PDE3B: variants seen among roughly 807,000 people sequenced by gnomAD.
PDE3B encodes cGMP-inhibited 3',5'-cyclic phosphodiesterase 3B.
Under a neutral mutation model 116.8 loss-of-function variants are expected in PDE3B, and 66 were observed. The ratio of observed to expected loss-of-function variants is 0.56; its 90% CI spans 0.46 to 0.69. The LOEUF (loss-of-function observed/expected upper bound fraction) is 0.69, where lower values mean the gene tolerates loss of function less well. PDE3B is among the 30% of genes least tolerant of loss of function. The pLI, the probability that PDE3B is intolerant of heterozygous loss-of-function variation, is 0.00. For missense variants in PDE3B, 1,384 were observed against 1,368.1 expected, an observed-to-expected ratio of 1.01 and a Z score of -0.18; for synonymous variants, 595 against 533.6, an observed-to-expected ratio of 1.12 and a Z score of -1.59.
At chr11:14,846,753 A>AT (rs1847613093) in intron 12 of PDE3B, among the ~76,000 whole-genome samples, 1 of 152,102 alleles carries the variant, frequency 6.6e-6, no homozygotes, top group African/African-American at 2.4e-5. Flanking sequence ...AGGCCATTAC[A>AT]TAATGGTAAA....
rs551366523 is a variant in PDE3B at position 14,644,202 on chromosome 11, C to G, written c.127C>G (p.Pro43Ala). Residue 43 changes from proline to alanine, a missense_variant, in exon 1 of 16, where the codon CCT (proline) becomes GCT (alanine). Coordinates refer to ENST00000282096, the MANE Select transcript of PDE3B (RefSeq NM_000922.4). ...KSCVSPLRQD[P>A]PRGFFFHLCR... is the part of the protein sequence containing the mutation. ...CTGCGTGAGCCCCTTGCGGCAGGAC[C>G]CTCCGCGCGGCTTCTTCTTCCACCT... is the stretch of plus-strand genomic sequence containing the variant. The G allele has an allele frequency of 1.3e-6, 2 of 1,595,982 alleles. No individual in the cohort carries two copies. Among genetic ancestry groups the G allele is most frequent in the African/African-American group, 1.4e-5 (1 of 74,066 alleles).
intron 1 of PDE3B, among the ~76,000 whole-genome samples, chr11:14,759,303 T>C (rs893448125): frequency 1.3e-5 from 2 of 152,162 alleles, no homozygotes; most frequent in Non-Finnish European, 2.9e-5. Context: ...TAGGGAGGAT[T>C]CCCTCTTTTT....
Position 14,753,247 on chromosome 11 carries a change from C to T in PDE3B, c.979-18690C>T, listed in dbSNP as rs189979756. ...AGTATAGATCTTTTTGAGTGCCTTC[C>T]ATGAACCACATACTTTATTAGTCAC... On this transcript the variant is annotated intron_variant, in intron 1 of 15. Transcript: ENST00000282096. 5.5e-4 allele frequency among the ~76,000 whole-genome samples: 83 copies of T among 152,158 alleles called. No individual in the cohort carries two copies. The East Asian group carries it at 7.7e-3, about 14-fold the overall frequency.
intron 1 of PDE3B, among the ~76,000 whole-genome samples, chr11:14,691,971 T>C (rs1456966562): frequency 1.3e-5 from 2 of 152,124 alleles, no homozygotes; most frequent in African/African-American, 4.8e-5. Flanking sequence ...AAATTATTGA[T>C]TTATAATAGT....
chr11:14,772,890 G>A (rs1269309465), intron 2 of PDE3B: 5 of 151,752 alleles, frequency 3.3e-5, no homozygotes, highest in African/African-American at 7.3e-5. Flanking sequence ...GAGTCTTGAC[G>A]TACACAAAAA....
intron 1 of PDE3B, among the ~76,000 whole-genome samples, chr11:14,688,729 T>G (rs924126247): frequency 1.3e-5 from 2 of 152,170 alleles, no homozygotes; most frequent in Non-Finnish European, 2.9e-5. Context: ...TTATTACAGC[T>G]AGATCTATGT....
chr11:14,837,050 G>A (rs1281370136), intron 11 of PDE3B, among the ~76,000 whole-genome samples: 1 of 152,224 alleles, frequency 6.6e-6, no homozygotes, highest in African/African-American at 2.4e-5. Context: ...CTGAGCTCAG[G>A]CAATCCGCCC....
the PDE3B span, among the ~76,000 whole-genome samples, chr11:14,885,141 C>T: frequency 1.3e-5 from 2 of 152,132 alleles, no homozygotes; most frequent in Non-Finnish European, 2.9e-5. Context: ...ATTTAGGACA[C>T]AACTTTAGTA....
At chr11:14,844,673 CAGG>C (rs1167699745) in intron 12 of PDE3B, among the ~76,000 whole-genome samples, 1 of 152,226 alleles carries the variant, frequency 6.6e-6, no homozygotes, top group African/African-American at 2.4e-5. Flanking sequence ...AACGGCGCAC[CAGG>C]AGATTACATC....
At chr11:14,833,471 A>G (rs1246375589) in intron 10 of PDE3B, among the ~76,000 whole-genome samples, 1 of 152,140 alleles carries the variant, frequency 6.6e-6, no homozygotes, top group Non-Finnish European at 1.5e-5. Flanking sequence ...ACATCTTTCT[A>G]TTTTTAAAAT....
At chr11:14,853,013 T>G (rs1377778290) in intron 12 of PDE3B, among the ~76,000 whole-genome samples, 1 of 143,480 alleles carries the variant, frequency 7.0e-6, no homozygotes, top group East Asian at 2.0e-4. Flanking sequence ...CTCTCTCTCT[T>G]TTTTTTTTTT....
intron 1 of PDE3B, among the ~76,000 whole-genome samples, chr11:14,705,800 T>G (rs1279802083): frequency 6.6e-6 from 1 of 151,794 alleles, no homozygotes; most frequent in East Asian, 1.9e-4. Context: ...CATTTACAAA[T>G]AAAATATTTT....
At chr11:14,657,148 T>C (rs1469324808) in intron 1 of PDE3B, among the ~76,000 whole-genome samples, 1 of 152,180 alleles carries the variant, frequency 6.6e-6, no homozygotes, top group Non-Finnish European at 1.5e-5. Flanking sequence ...TCCCATAAGC[T>C]TTTTGTTCCA....
intron 1 of PDE3B, among the ~76,000 whole-genome samples, chr11:14,647,893 G>A (rs1014434787): frequency 6.7e-6 from 1 of 150,200 alleles, no homozygotes; most frequent in Non-Finnish European, 1.5e-5. Context: ...TGATTTAAAT[G>A]CTATATATGT....
intron 1 of PDE3B, among the ~76,000 whole-genome samples, chr11:14,649,544 AAGGCTGTACTTAATTTTGCC>A (rs1346997763): frequency 6.6e-6 from 1 of 152,216 alleles, no homozygotes; most frequent in African/African-American, 2.4e-5. Flanking sequence ...ATAGCCTTCC[AAGGCTGTACTTAATTTTGCC>A]AGGTATCTCC....
At chr11:14,836,700 G>A (rs929515611) in intron 11 of PDE3B, among the ~76,000 whole-genome samples, 5 of 152,224 alleles carry the variant, frequency 3.3e-5, no homozygotes, top group African/African-American at 1.2e-4. Flanking sequence ...CTTCACTGGA[G>A]TAAAATCAAG....
At chr11:14,843,462 G>A (rs1399839924) in intron 11 of PDE3B, among the ~76,000 whole-genome samples, 1 of 152,040 alleles carries the variant, frequency 6.6e-6, no homozygotes, top group African/African-American at 2.4e-5. Flanking sequence ...TTATTCTCTA[G>A]TATTGCCTTT....
intron 7 of PDE3B, among the ~76,000 whole-genome samples, chr11:14,823,989 A>G (rs1859605117): frequency 6.6e-6 from 1 of 152,150 alleles, no homozygotes; most frequent in Non-Finnish European, 1.5e-5. Context: ...TGCTGTCTTC[A>G]GGCTTTGGAG....
At chr11:14,808,427 A>G (rs1029551644) in intron 5 of PDE3B, among the ~76,000 whole-genome samples, 4 of 152,238 alleles carry the variant, frequency 2.6e-5, no homozygotes, top group Non-Finnish European at 5.9e-5. Context: ...GTACCCAAGG[A>G]AAACGTAACC....
Sources: allele counts gnomAD v4.1 joint callset (sites outside exome capture counted in the v4.1 genomes callset), GRCh38; gene constraint gnomAD v4.1.1; transcripts MANE v1.5; gene names NCBI Gene and HGNC (gene_info 2026-07-23, HGNC 2026-07-21).